GPC6: variants seen among roughly 807,000 people sequenced by gnomAD.
The protein encoded by GPC6 is glypican-6.
Under a neutral mutation model 55.2 loss-of-function variants are expected in GPC6, and 14 were observed. The ratio of observed to expected loss-of-function variants is 0.25; its 90% CI spans 0.17 to 0.40. GPC6 has a LOEUF of 0.40. Ranked by LOEUF, GPC6 falls within the 10% of genes least tolerant of loss-of-function variation. The pLI, the probability that GPC6 is intolerant of heterozygous loss-of-function variation, is 1.00. For missense variants in GPC6, 641 were observed against 708.5 expected (o/e 0.90, Z 1.08); for synonymous variants, 278 against 259.6 (o/e 1.07, Z -0.68).
At chr13:94,121,400 C>T (rs1264860444) in intron 4 of GPC6, among the ~76,000 whole-genome samples, 2 of 152,112 alleles carry the variant, frequency 1.3e-5, no homozygotes, top group Non-Finnish European at 2.9e-5. Flanking sequence ...TCGCACTTTG[C>T]AGTTTTTATA....
At chr13:93,945,715 T>C (rs369439841) in intron 3 of GPC6, among the ~76,000 whole-genome samples, 26 of 152,340 alleles carry the variant, frequency 1.7e-4, no homozygotes, top group South Asian at 8.3e-4. Context: ...TCTGTTGTCG[T>C]ATATGATTTG....
At chr13:93,447,875 A>G (rs942956266) in intron 1 of GPC6, among the ~76,000 whole-genome samples, 2 of 152,332 alleles carry the variant, frequency 1.3e-5, no homozygotes, top group East Asian at 1.9e-4. Context: ...GTTAAGTCTG[A>G]TAGCCTGAGC....
At chr13:93,286,341 G>C (rs1361584387) in intron 1 of GPC6, among the ~76,000 whole-genome samples, 1 of 152,132 alleles carries the variant, frequency 6.6e-6, no homozygotes, top group Non-Finnish European at 1.5e-5. Flanking sequence ...AGGATTATAG[G>C]AACTATAATT....
intron 6 of GPC6, among the ~76,000 whole-genome samples, chr13:94,379,074 A>T (rs1668590919): frequency 6.6e-6 from 1 of 152,180 alleles, no homozygotes; most frequent in African/African-American, 2.4e-5. Context: ...AAAACAAAAA[A>T]ACAAAAACCT....
chr13:94,382,424 T>A lies in GPC6; in HGVS notation c.1163T>A (p.Ile388Lys). The change falls in exon 7 of 9, where the codon ATA becomes AAA. Residue 388 changes from isoleucine to lysine, a missense_variant. Ile to Lys is a moderately radical substitution (Grantham distance 102). Transcript: ENST00000377047. ...GTSLDRLVTD[I>K]KEKLKLSKKV... ...TGGTTTCTTGATCAGGTCACAGACA[T>A]AAAAGAGAAATTGAAGCTCTCTAAA... The A allele has an allele frequency of 6.2e-7, 1 of 1,614,110 alleles. No homozygotes were observed. The highest frequency in any genetic ancestry group is 8.5e-7 in the Non-Finnish European group (1 of 1,179,988).
chr13:93,403,572 A>G (rs1431230261), intron 1 of GPC6, among the ~76,000 whole-genome samples: 1 of 152,166 alleles, frequency 6.6e-6, no homozygotes, highest in Non-Finnish European at 1.5e-5. Flanking sequence ...ATTTGGTTAA[A>G]TTTGTAGATA....
At chr13:94,269,132 A>C (rs1300536787) in intron 4 of GPC6, among the ~76,000 whole-genome samples, 3 of 152,208 alleles carry the variant, frequency 2.0e-5, no homozygotes, top group Admixed American at 1.3e-4. Flanking sequence ...GCAGGTACAT[A>C]GGAAGTGGAT....
chr13:93,885,534 C>G (rs1875270676), intron 3 of GPC6, among the ~76,000 whole-genome samples: 1 of 151,796 alleles, frequency 6.6e-6, no homozygotes, highest in Admixed American at 6.6e-5. Context: ...TTAAAAACCA[C>G]TGGTAAGATT....
chr13:94,098,338 A>G (rs1256720689), intron 4 of GPC6, among the ~76,000 whole-genome samples: 1 of 152,002 alleles, frequency 6.6e-6, no homozygotes, highest in Non-Finnish European at 1.5e-5. Flanking sequence ...CATGTAGACC[A>G]ATACTGTTAC....
intron 1 of GPC6, among the ~76,000 whole-genome samples, chr13:93,272,105 GT>G (rs1291431658): frequency 6.6e-6 from 1 of 151,934 alleles, no homozygotes; most frequent in East Asian, 1.9e-4. Flanking sequence ...ATAAGCTGTA[GT>G]TTTTTACTTG....
chr13:94,291,005 A>G (rs564729604), intron 5 of GPC6, among the ~76,000 whole-genome samples: 134 of 152,320 alleles, frequency 8.8e-4, no homozygotes, highest in African/African-American at 3.1e-3. Flanking sequence ...CAGCCTAGCC[A>G]ATATGGCGAA....
intron 3 of GPC6, among the ~76,000 whole-genome samples, chr13:93,932,786 G>A (rs936836096): frequency 6.6e-6 from 1 of 152,060 alleles, no homozygotes; most frequent in Non-Finnish European, 1.5e-5. Context: ...TGACAGAACT[G>A]TGATGAAATT....
At chr13:93,913,033 A>C (rs1019081576) in intron 3 of GPC6, among the ~76,000 whole-genome samples, 1 of 152,192 alleles carries the variant, frequency 6.6e-6, no homozygotes, top group Non-Finnish European at 1.5e-5. Flanking sequence ...ACACTATTTC[A>C]ATATGACCTC....
At chr13:94,304,606 T>C (rs1020698079) in intron 5 of GPC6, among the ~76,000 whole-genome samples, 1 of 152,200 alleles carries the variant, frequency 6.6e-6, no homozygotes, top group Non-Finnish European at 1.5e-5. Context: ...AAAGTTAAAC[T>C]TCATCAAAGT....
chr13:93,805,614 T>C (rs1208085872), intron 2 of GPC6, among the ~76,000 whole-genome samples: 1 of 152,218 alleles, frequency 6.6e-6, no homozygotes, highest in South Asian at 2.1e-4. Context: ...ATGTATAACA[T>C]AGTTCATACA....
chr13:93,676,156 TATATATATATATACATAC>T lies in GPC6; in HGVS notation c.319+130737_319+130754del, dbSNP rs1566481767. 5.9e-4 allele frequency among the ~76,000 whole-genome samples: 10 copies of T among 16,924 alleles called. 1 individual carries two copies. Among genetic ancestry groups the T allele is most frequent in the African/African-American group, 9.4e-4 (10 of 10,644 alleles). The allele number at this position is 16,924 out of a possible 152,430, so 11.1% of individuals were successfully genotyped here. A position where few individuals can be genotyped will look rare whatever the true frequency, so the allele number is the denominator to read the frequency against. On this transcript the variant is annotated intron_variant, in intron 2 of 8. Coordinates refer to ENST00000377047, the MANE Select transcript of GPC6 (RefSeq NM_005708.5). The stretch of plus-strand genomic sequence containing the variant: ...ATATATATATATATATATATATATA[TATATATATATATACATAC>T]ACACACACACACACACATATATATG...
intron 4 of GPC6, among the ~76,000 whole-genome samples, 166 bp from the exon 5 acceptor site, chr13:94,286,183 C>T (rs1017965726): frequency 5.3e-5 from 8 of 152,174 alleles, no homozygotes; most frequent in Non-Finnish European, 7.3e-5. Context: ...AAAATACAAT[C>T]GTCCTAAGAT....
rs116279809 is a variant in GPC6 at position 93,480,151 on chromosome 13, C to T, written c.161-65112C>T. ...CCTGTGGCTTTTGTCTCTGTGTCTC[C>T]AAGGGACATTAATGCTTAAATGAAA... On this transcript the variant is annotated intron_variant, in intron 1 of 8. Coordinates refer to ENST00000377047, the MANE Select transcript of GPC6 (RefSeq NM_005708.5). Among the ~76,000 whole-genome samples the T allele has an allele frequency of 7.7e-3, 1,164 of 152,104 alleles. 15 individuals are homozygous for T. The highest frequency in any genetic ancestry group is 0.026 in the African/African-American group (1,088 of 41,482).
At chr13:94,178,745 A>C (rs1045240583) in intron 4 of GPC6, among the ~76,000 whole-genome samples, 39 of 152,178 alleles carry the variant, frequency 2.6e-4, no homozygotes, top group Admixed American at 2.2e-3. Context: ...TCTGATCAGC[A>C]GTTCTCAGAG....
Sources: gnomAD v4.1 joint callset for allele counts (sites outside exome capture counted in the v4.1 genomes callset) on GRCh38, gnomAD v4.1.1 for gene constraint, MANE v1.5 for transcripts, NCBI Gene and HGNC (gene_info 2026-07-23, HGNC 2026-07-21) for gene names.